PDE6A: variants seen among roughly 807,000 people sequenced by gnomAD.
PDE6A encodes the protein phosphodiesterase 6A, also known as rod cGMP-specific 3',5'-cyclic phosphodiesterase subunit alpha.
Under a neutral mutation model 106.3 loss-of-function variants are expected in PDE6A, and 84 were observed. The observed-to-expected ratio is 0.79, with a 90% CI of 0.66 to 0.95. The LOEUF (loss-of-function observed/expected upper bound fraction) is 0.95. Among genes scored for constraint, PDE6A ranks in the 40% least tolerant of loss-of-function variants. PDE6A has a pLI of 0.00. For synonymous variants in PDE6A, 394 were observed against 386.6 expected, an observed-to-expected ratio of 1.02 and a Z score of -0.23; for missense variants, 1,052 against 1,084.9, an observed-to-expected ratio of 0.97 and a Z score of 0.43.
At chr5:149,924,158 T>C (rs1338466421) in intron 4 of PDE6A, among the ~76,000 whole-genome samples, 1 of 152,198 alleles carries the variant, frequency 6.6e-6, no homozygotes, top group Non-Finnish European at 1.5e-5. Context: ...AGGCACAGTT[T>C]GTATCCTGGA....
chr5:149,863,302 C>T lies in PDE6A; in HGVS notation c.2359-36G>A. On this transcript the variant is annotated intron_variant, in intron 20 of 21. Coordinates refer to ENST00000255266, the MANE Select transcript of PDE6A (RefSeq NM_000440.3). The surrounding 1 kb of genome is among the most constrained non-coding windows in gnomAD (Gnocchi z 4.7). ...GAGTATGTGCCTCTGGTGCAAGGGC[C>T]AGGCCACAGGGTCTGGGCTCAAGCG... The T allele has an allele frequency of 6.2e-7, 1 of 1,612,230 alleles. No individual in the cohort carries two copies. The highest frequency in any genetic ancestry group is 8.5e-7 in the Non-Finnish European group (1 of 1,178,436).
chr5:149,860,204 T>A lies in PDE6A; in HGVS notation c.*691A>T, dbSNP rs1760082470. 6.6e-6 allele frequency: 1 copy of A among 152,136 alleles called. No individual in the cohort carries two copies. The highest frequency in any genetic ancestry group is 2.4e-5 in the African/African-American group (1 of 41,388). The allele number at this position is 152,136 out of a possible 1,614,324, so 9.4% of individuals were successfully genotyped here. ...ACCACGCCTGGCCAGGATTTGCCTT[T>A]AAACACTTCAGGTAAGAAAAAAAAT... On this transcript the variant is annotated 3_prime_UTR_variant, in exon 22 of 22. Coordinates refer to ENST00000255266, the MANE Select transcript of PDE6A (RefSeq NM_000440.3).
At chr5:149,895,401 T>G in intron 12 of PDE6A, 111 bp from the exon 13 acceptor site, 1 of 775,374 alleles carries the variant, frequency 1.3e-6, no homozygotes, top group Non-Finnish European at 2.3e-6. Flanking sequence ...CTTTTGAGGT[T>G]TGAGGTACTC....
intron 1 of PDE6A, among the ~76,000 whole-genome samples, chr5:149,943,282 C>T (rs1485394259): frequency 6.6e-6 from 1 of 152,234 alleles, no homozygotes; most frequent in Non-Finnish European, 1.5e-5. Context: ...GCCCTAAATC[C>T]ATTAAACCTT....
intron 2 of PDE6A, 83 bp downstream of exon 2, chr5:149,934,483 G>T (rs892044307): frequency 2.5e-5 from 35 of 1,414,738 alleles, no homozygotes; most frequent in East Asian, 1.1e-4. Context: ...ACTGAGGCCA[G>T]GTCAAACAGC....
chr5:149,873,481 G>A lies in PDE6A; in HGVS notation c.2136-5323C>T, dbSNP rs571521222. ...TGAGTAGCTGAGATTACAGGTGTGCGTCACCACGCCCAGCTAATTTTTGTA... is the reference window on the plus strand; with the variant it reads ...TGAGTAGCTGAGATTACAGGTGTGCATCACCACGCCCAGCTAATTTTTGTA... On this transcript the variant is annotated intron_variant, in intron 17 of 21. Coordinates refer to ENST00000255266, the MANE Select transcript of PDE6A (RefSeq NM_000440.3). 3.3e-3 allele frequency among the ~76,000 whole-genome samples: 500 copies of A among 152,090 alleles called. 9 individuals are homozygous for A. The highest frequency in any genetic ancestry group is 1.2e-3 in the South Asian group (6 of 4,816).
chr5:149,868,158 C>T lies in PDE6A; in HGVS notation c.2136G>A (p.Met712Ile), dbSNP rs574549728. 33 of 1,614,108 alleles carry T rather than the reference C, an allele frequency of 2.0e-5. No individual in the cohort carries two copies. In the Admixed American group the frequency reaches 5.3e-4, roughly 26 times the overall value. Reference protein sequence around the residue: ...MLEQTRKEIVMAMMMTACDLS... With the variant: ...MLEQTRKEIVIAMMMTACDLS... ...GATCACAGGCGGTCATCATCATGGC[C>T]CTGGGCACACAGGACACCCTCTATC... The change falls in exon 18 of 22, where the codon ATG becomes ATA. Residue 712 changes from methionine to isoleucine, a missense_variant and splice_region_variant. Coordinates refer to ENST00000255266, the MANE Select transcript of PDE6A (RefSeq NM_000440.3).
In PDE6A at chr5:149,860,844, T is replaced by A. The variant is rs372592244; in HGVS notation, c.*51A>T. 396 of 1,482,474 alleles carry A rather than the reference T, an allele frequency of 2.7e-4. 2 individuals are homozygous for A. In the African/African-American group the frequency reaches 5.0e-3, roughly 19 times the overall value. 91.8% of individuals were successfully genotyped at this position (1,482,474 alleles called of 1,614,324 possible). ...TGTGGTCTTCCACTGGCTTGAGTCA[T>A]CTCTTCCCAGGAAAGGGTGGTGCCG... On this transcript the variant is annotated 3_prime_UTR_variant, in exon 22 of 22. Coordinates refer to ENST00000255266, the MANE Select transcript of PDE6A (RefSeq NM_000440.3).
chr5:149,908,603 ATTG>A (rs1393486446), intron 6 of PDE6A, among the ~76,000 whole-genome samples: 2 of 152,146 alleles, frequency 1.3e-5, no homozygotes, highest in Non-Finnish European at 1.5e-5. Flanking sequence ...TGTCATTTGC[ATTG>A]TTTTTTTGTG....
rs141880109 is a variant in PDE6A, at chr5:149,937,286, G to A, written c.475-2568C>T. ...TAAAGCATAGAGAGGGAGAGGGAAA[G>A]CAGAGGGCAAGGAAGTTAAAGAGGC... On this transcript the variant is annotated intron_variant, in intron 1 of 21. Transcript: ENST00000255266. Among the ~76,000 whole-genome samples the A allele has an allele frequency of 4.1e-3, 621 of 152,364 alleles. 7 individuals are homozygous for A. The highest frequency in any genetic ancestry group is 0.033 in the Admixed American group (508 of 15,306).
intron 17 of PDE6A, among the ~76,000 whole-genome samples, chr5:149,879,081 A>G (rs1039931464): frequency 2.0e-4 from 31 of 151,466 alleles, no homozygotes; most frequent in African/African-American, 7.0e-4. Context: ...TTATTTATCT[A>G]TCTATCTTGA....
At chr5:149,885,409 G>A (rs955428553) in intron 14 of PDE6A, among the ~76,000 whole-genome samples, 1 of 152,212 alleles carries the variant, frequency 6.6e-6, no homozygotes, top group African/African-American at 2.4e-5. Flanking sequence ...ATTAGCCCCT[G>A]CTCTGCCCAG....
chr5:149,918,241 G>A (rs550421655), intron 5 of PDE6A, among the ~76,000 whole-genome samples: 1 of 152,232 alleles, frequency 6.6e-6, no homozygotes, highest in Admixed American at 6.5e-5. Flanking sequence ...TGGAGATGAT[G>A]TAAGGTCTCT....
intron 6 of PDE6A, among the ~76,000 whole-genome samples, chr5:149,909,863 G>C (rs1171539833): frequency 6.6e-6 from 1 of 152,046 alleles, no homozygotes; most frequent in African/African-American, 2.4e-5. Context: ...GTATTTCTTA[G>C]TTCCCAAGCA....
chr5:149,924,277 C>T (rs1042370862), intron 4 of PDE6A, among the ~76,000 whole-genome samples: 1 of 152,086 alleles, frequency 6.6e-6, no homozygotes, highest in Non-Finnish European at 1.5e-5. Flanking sequence ...AGAAGAAGAA[C>T]AAATATATTG....
At chr5:149,900,375 G>GTATATATATATATATATATA (rs55680278) in intron 8 of PDE6A, among the ~76,000 whole-genome samples, 959 of 82,500 alleles carry the variant, frequency 0.012, 88 homozygotes, top group South Asian at 0.057. Flanking sequence ...AAATATATAT[G>GTATATATATATATATATATA]TATATATATA....
chr5:149,900,394 T>TATATATATATATATATATATATATATAG (rs1752929776), intron 8 of PDE6A, among the ~76,000 whole-genome samples: 1 of 133,374 alleles, frequency 7.5e-6, no homozygotes, highest in African/African-American at 2.8e-5. Flanking sequence ...TATATATATA[T>TATATATATATATATATATATATATATAG]ATATCCGTTG....
intron 21 of PDE6A, among the ~76,000 whole-genome samples, chr5:149,862,880 G>A (rs1360814282): frequency 5.3e-5 from 8 of 152,184 alleles, no homozygotes; most frequent in African/African-American, 1.9e-4. Context: ...GTTGGTTGCC[G>A]GGGCACTTGC....
In PDE6A at chr5:149,933,925, C is replaced by T. The variant is rs369249828; in HGVS notation, c.717+5G>A. On this transcript the variant is annotated splice_donor_5th_base_variant and intron_variant, in intron 3 of 21. Transcript: ENST00000255266. ...AAGTCCATTCCCTTGGCCCAAGCCC[C>T]TTACCTGGCCACGTCGAGTTTCACA... The T allele has an allele frequency of 3.5e-5, 57 of 1,610,296 alleles. 1 individual carries two copies. In the Middle Eastern group the frequency reaches 6.6e-4, roughly 19 times the overall value.
Sources: gnomAD v4.1 joint callset for allele counts (sites outside exome capture counted in the v4.1 genomes callset) on GRCh38, gnomAD v4.1.1 for gene constraint, Gnocchi (gnomAD v3.1) non-coding constraint, MANE v1.5 for transcripts, NCBI Gene and HGNC (gene_info 2026-07-23, HGNC 2026-07-21) for gene names.